NOL4L: variants seen among roughly 807,000 people sequenced by gnomAD.
NOL4L encodes the protein nucleolar protein 4 like, also known as nucleolar protein 4-like.
Under a neutral mutation model 64.5 loss-of-function variants are expected in NOL4L, and 7 were observed. The observed-to-expected ratio is 0.11, with a 90% confidence interval of 0.06 to 0.20. NOL4L has a LOEUF of 0.20. NOL4L is among the 10% of genes least tolerant of loss of function. The probability of loss-of-function intolerance (pLI) is 1.00; values close to 1 mark genes in which losing one functional copy is unlikely to be tolerated. For missense variants in NOL4L, 680 were observed against 967.1 expected (o/e 0.70, Z 3.94); for synonymous variants, 413 against 401.0 (o/e 1.03, Z -0.36).
chr20:32,542,369 T>C (rs755039423), intron 1 of NOL4L, among the ~76,000 whole-genome samples: 4 of 152,148 alleles, frequency 2.6e-5, no homozygotes, highest in Non-Finnish European at 5.9e-5. Flanking sequence ...AAAAATTTTT[T>C]TTGAGACAGG....
At chr20:32,539,939 G>A (rs1600856971) in intron 1 of NOL4L, among the ~76,000 whole-genome samples, 2 of 152,294 alleles carry the variant, frequency 1.3e-5, no homozygotes, top group Middle Eastern at 6.8e-3. Flanking sequence ...CTGCCCCTCG[G>A]CCGGGGCTGA....
intron 1 of NOL4L, among the ~76,000 whole-genome samples, chr20:32,550,596 A>C (rs983375210): frequency 1.3e-5 from 2 of 152,046 alleles, no homozygotes; most frequent in African/African-American, 2.4e-5. Flanking sequence ...AAATACAAAA[A>C]AGTGGCCGGG....
At chr20:32,527,578 C>T (rs1196482505) in intron 2 of NOL4L, among the ~76,000 whole-genome samples, 180 bp downstream of exon 2, 5 of 152,154 alleles carry the variant, frequency 3.3e-5, no homozygotes, top group Non-Finnish European at 7.3e-5. Context: ...ATTCCCTCCC[C>T]TCGCCCTGTG....
chr20:32,551,162 G>A (rs944174896), intron 1 of NOL4L, among the ~76,000 whole-genome samples: 11 of 151,754 alleles, frequency 7.2e-5, no homozygotes, highest in African/African-American at 1.9e-4. Flanking sequence ...GATCACCTGC[G>A]GTCACGAGTT....
At chr20:32,476,660 C>T (rs1211960513) in intron 4 of NOL4L, among the ~76,000 whole-genome samples, 1 of 152,276 alleles carries the variant, frequency 6.6e-6, no homozygotes, top group Non-Finnish European at 1.5e-5. Flanking sequence ...CTGCTATGGG[C>T]CAAGCTCCGC....
At chr20:32,558,721 T>G (rs1978815711) in intron 1 of NOL4L, among the ~76,000 whole-genome samples, 1 of 152,204 alleles carries the variant, frequency 6.6e-6, no homozygotes. Context: ...GTGCTGGGCC[T>G]GGCCGGGCCT....
At chr20:32,572,789 GC>G (rs1979833470) in intron 1 of NOL4L, among the ~76,000 whole-genome samples, 1 of 152,060 alleles carries the variant, frequency 6.6e-6, no homozygotes, top group Non-Finnish European at 1.5e-5. Flanking sequence ...CCTCCTGGAA[GC>G]CCCCCAGCCC....
chr20:32,495,415 G>A (rs560279535), intron 4 of NOL4L, among the ~76,000 whole-genome samples: 4 of 152,260 alleles, frequency 2.6e-5, no homozygotes, highest in Admixed American at 6.5e-5. Flanking sequence ...AGGGCTGCCC[G>A]GGCCTATTCC....
chr20:32,584,131 G>GCACACACACA (rs1209297004), intron 1 of NOL4L, among the ~76,000 whole-genome samples: 1 of 100,714 alleles, frequency 9.9e-6, no homozygotes, highest in African/African-American at 5.3e-5. Context: ...CCCTCCGCGC[G>GCACACACACA]CGCACACACA....
At chr20:32,549,476 G>C (rs2018771316) in intron 1 of NOL4L, among the ~76,000 whole-genome samples, 2 of 152,202 alleles carry the variant, frequency 1.3e-5, no homozygotes, top group Admixed American at 6.5e-5. Flanking sequence ...GTTCTGGCCA[G>C]GCATGGTGGC....
chr20:32,534,286 G>A (rs2018441012), intron 1 of NOL4L, among the ~76,000 whole-genome samples: 1 of 152,128 alleles, frequency 6.6e-6, no homozygotes, highest in African/African-American at 2.4e-5. Context: ...TCTTGACAAG[G>A]AATAAAAATC....
At chr20:32,452,490 C>A in intron 9 of NOL4L, 53 bp from the exon 10 acceptor site, 1 of 1,454,680 alleles carries the variant, frequency 6.9e-7, no homozygotes, top group Non-Finnish European at 9.3e-7. Context: ...CTGGCCCCAA[C>A]TACCATCCCT....
intron 1 of NOL4L, among the ~76,000 whole-genome samples, chr20:32,534,237 G>A (rs540940491): frequency 9.8e-5 from 15 of 152,312 alleles, no homozygotes; most frequent in Admixed American, 3.3e-4. Flanking sequence ...CACAGAGAAA[G>A]GCCTTAGGAT....
At chr20:32,560,654 A>G (rs1218272687) in intron 1 of NOL4L, among the ~76,000 whole-genome samples, 4 of 152,266 alleles carry the variant, frequency 2.6e-5, no homozygotes, top group Admixed American at 1.3e-4. Context: ...TCATAGATGA[A>G]GAAACTGAGG....
intron 3 of NOL4L, among the ~76,000 whole-genome samples, chr20:32,516,394 G>A (rs140187659): frequency 4.6e-5 from 7 of 152,302 alleles, no homozygotes; most frequent in South Asian, 4.1e-4. Context: ...AACTGTGTGC[G>A]GTGCAGTCCC....
intron 4 of NOL4L, among the ~76,000 whole-genome samples, chr20:32,490,085 T>C (rs2016394782): frequency 7.4e-6 from 1 of 135,980 alleles, no homozygotes; most frequent in Non-Finnish European, 1.5e-5. Context: ...GCCGGGATCA[T>C]GCCACTGCAC....
At chr20:32,571,227 G>A (rs1056612778) in intron 1 of NOL4L, among the ~76,000 whole-genome samples, 16 of 152,196 alleles carry the variant, frequency 1.1e-4, no homozygotes, top group African/African-American at 3.4e-4. Context: ...TCGCTCTGTC[G>A]CCCAGGCTGG....
rs1161764225 is a variant in NOL4L at position 32,444,928 on chromosome 20, T to C, written c.*2668A>G. ...CCAAGTCGGGAGTAGGGGGAAGGGG[T>C]TGAAGCTGCATCTTTTAAAACAAAA... On this transcript the variant is annotated 3_prime_UTR_variant, in exon 11 of 11. Coordinates refer to ENST00000621426, the MANE Select transcript of NOL4L (RefSeq NM_001256798.2). The C allele has an allele frequency of 1.4e-5, 2 of 141,540 alleles. No homozygotes were observed. The highest frequency in any genetic ancestry group is 3.0e-5 in the Non-Finnish European group (2 of 66,188). The allele number at this position is 141,540 out of a possible 1,614,324, so 8.8% of individuals were successfully genotyped here.
At chr20:32,558,343 C>T (rs1233864627) in intron 1 of NOL4L, among the ~76,000 whole-genome samples, 1 of 152,160 alleles carries the variant, frequency 6.6e-6, no homozygotes, top group Non-Finnish European at 1.5e-5. Flanking sequence ...CGTAATCTAA[C>T]CCTGATTTGC....
Sources: allele counts gnomAD v4.1 joint callset (sites outside exome capture counted in the v4.1 genomes callset), GRCh38; gene constraint gnomAD v4.1.1; transcripts MANE v1.5; gene names NCBI Gene and HGNC (gene_info 2026-07-23, HGNC 2026-07-21).